SHISA6: variants seen among roughly 807,000 people sequenced by gnomAD.
The protein encoded by SHISA6 is protein shisa-6.
SHISA6 carries 22 observed loss-of-function variants against 47.9 expected under a neutral mutation model. That is an observed-to-expected ratio of 0.46 (90% CI 0.33 to 0.66). The LOEUF (loss-of-function observed/expected upper bound fraction) is 0.66. Ranked by LOEUF, SHISA6 falls within the 30% of genes least tolerant of loss-of-function variation. The pLI is 0.02. For synonymous variants in SHISA6, 388 were observed against 337.8 expected (o/e 1.15, Z -1.63); for missense variants, 680 against 764.6 (o/e 0.89, Z 1.30).
chr17:11,543,309 G>T (rs2071849788), intron 3 of SHISA6, among the ~76,000 whole-genome samples: 1 of 152,088 alleles, frequency 6.6e-6, no homozygotes, highest in Non-Finnish European at 1.5e-5. Flanking sequence ...CAAAGGAGGA[G>T]GATTCATTGA....
chr17:11,438,999 A>G (rs1357968591), intron 3 of SHISA6, among the ~76,000 whole-genome samples: 1 of 152,054 alleles, frequency 6.6e-6, no homozygotes, highest in African/African-American at 2.4e-5. Flanking sequence ...GTAAATATAA[A>G]GATTCAAGCA....
chr17:11,545,281 A>C (rs2142382517), intron 3 of SHISA6, among the ~76,000 whole-genome samples: 1 of 152,336 alleles, frequency 6.6e-6, no homozygotes, highest in South Asian at 2.1e-4. Flanking sequence ...CTGAAAGAAA[A>C]CCCAATCCCA....
intron 3 of SHISA6, among the ~76,000 whole-genome samples, chr17:11,460,282 G>A (rs750772841): frequency 1.6e-4 from 25 of 152,172 alleles, no homozygotes; most frequent in African/African-American, 4.6e-4. Context: ...GCTAGGCGCC[G>A]GGATGGTCTC....
At chr17:11,556,623 T>C (rs1247014344) in intron 5 of SHISA6, among the ~76,000 whole-genome samples, 8 of 152,072 alleles carry the variant, frequency 5.3e-5, no homozygotes. Flanking sequence ...CAGGGTAACC[T>C]ACCCTGACAG....
chr17:11,394,885 A>G (rs1389558101), intron 3 of SHISA6, among the ~76,000 whole-genome samples: 1 of 151,770 alleles, frequency 6.6e-6, no homozygotes, highest in Non-Finnish European at 1.5e-5. Context: ...ACATACATAC[A>G]TTATAAACAT....
intron 2 of SHISA6, among the ~76,000 whole-genome samples, chr17:11,270,364 TTCCCTGACTTC>T (rs1411319867): frequency 1.3e-5 from 2 of 152,234 alleles, no homozygotes; most frequent in Admixed American, 1.3e-4. Context: ...TTCTATGACT[TTCCCTGACTTC>T]TCTTTCCACA....
chr17:11,497,032 T>A (rs2071415007), intron 3 of SHISA6, among the ~76,000 whole-genome samples: 1 of 152,202 alleles, frequency 6.6e-6, no homozygotes, highest in Non-Finnish European at 1.5e-5. Context: ...CTGCCTCCCA[T>A]AAGTTTGGAC....
chr17:11,360,966 G>GTTT (rs5819314), intron 2 of SHISA6, among the ~76,000 whole-genome samples: 29 of 148,906 alleles, frequency 1.9e-4, no homozygotes, highest in South Asian at 4.2e-4. Context: ...TTTTCTCTTT[G>GTTT]TTTTCTTTTT....
intron 1 of SHISA6, among the ~76,000 whole-genome samples, chr17:11,257,639 C>T (rs1384097096): frequency 2.1e-5 from 3 of 140,626 alleles, no homozygotes; most frequent in East Asian, 2.1e-4. Context: ...GCAGCCTGGG[C>T]GACCGTGTGA....
chr17:11,264,723 C>G (rs1908361090), intron 2 of SHISA6, among the ~76,000 whole-genome samples: 1 of 152,194 alleles, frequency 6.6e-6, no homozygotes, highest in Admixed American at 6.5e-5. Context: ...CAAATCCAAA[C>G]TATAGCAAAG....
intron 3 of SHISA6, among the ~76,000 whole-genome samples, chr17:11,501,301 G>A (rs1401853562): frequency 6.6e-6 from 1 of 151,914 alleles, no homozygotes; most frequent in Non-Finnish European, 1.5e-5. Context: ...TAGTAGAGAT[G>A]GGGTTTCACC....
intron 3 of SHISA6, among the ~76,000 whole-genome samples, chr17:11,550,927 A>G (rs923374384): frequency 6.6e-6 from 1 of 152,244 alleles, no homozygotes; most frequent in Non-Finnish European, 1.5e-5. Context: ...TGGAATGAGT[A>G]GCCAGAGTAT....
At chr17:11,316,626 T>C (rs990912004) in intron 2 of SHISA6, among the ~76,000 whole-genome samples, 3 of 151,990 alleles carry the variant, frequency 2.0e-5, no homozygotes, top group Admixed American at 1.3e-4. Flanking sequence ...TTCACCATCT[T>C]AGCCAGGATG....
chr17:11,440,701 A>G (rs2142296964), intron 3 of SHISA6, among the ~76,000 whole-genome samples: 1 of 151,640 alleles, frequency 6.6e-6, no homozygotes, highest in East Asian at 2.0e-4. Context: ...AGTAATAGCT[A>G]CATAATGCAT....
chr17:11,307,580 G>T (rs747405209), intron 2 of SHISA6, among the ~76,000 whole-genome samples: 2 of 152,190 alleles, frequency 1.3e-5, no homozygotes, highest in Non-Finnish European at 2.9e-5. Flanking sequence ...AGCAAGGGAG[G>T]CTGGGGAATG....
At chr17:11,330,766 G>A (rs546843809) in intron 2 of SHISA6, among the ~76,000 whole-genome samples, 9 of 150,838 alleles carry the variant, frequency 6.0e-5, no homozygotes, top group Admixed American at 1.3e-4. Flanking sequence ...GATGTTTAAG[G>A]TAATTTAAAA....
At chr17:11,301,855 T>G (rs1301266269) in intron 2 of SHISA6, among the ~76,000 whole-genome samples, 1 of 152,112 alleles carries the variant, frequency 6.6e-6, no homozygotes, top group African/African-American at 2.4e-5. Context: ...ATTCGTCCGT[T>G]TTCATACTGC....
intron 3 of SHISA6, among the ~76,000 whole-genome samples, chr17:11,464,554 AT>A (rs1275600004): frequency 6.6e-6 from 1 of 152,196 alleles, no homozygotes; most frequent in African/African-American, 2.4e-5. Flanking sequence ...AAATGAATGC[AT>A]TACACTCTGT....
At chr17:11,375,083 A>AT (rs1567588205) in intron 2 of SHISA6, among the ~76,000 whole-genome samples, 1 of 151,990 alleles carries the variant, frequency 6.6e-6, no homozygotes, top group Non-Finnish European at 1.5e-5. Context: ...GTTCTCCTTT[A>AT]TTTTTTAAAA....
Sources: gnomAD v4.1 joint callset for allele counts (sites outside exome capture counted in the v4.1 genomes callset) on GRCh38, gnomAD v4.1.1 for gene constraint, MANE v1.5 for transcripts, NCBI Gene and HGNC (gene_info 2026-07-23, HGNC 2026-07-21) for gene names.